MARK3: variants seen among roughly 807,000 people sequenced by gnomAD.
MARK3 encodes microtubule affinity regulating kinase 3, also known as MAP/microtubule affinity-regulating kinase 3.
Under a neutral mutation model 90.1 loss-of-function variants are expected in MARK3, and 46 were observed. The ratio of observed to expected loss-of-function variants is 0.51; its 90% CI spans 0.40 to 0.65. The LOEUF (loss-of-function observed/expected upper bound fraction) is 0.65, where lower values mean the gene tolerates loss of function less well. MARK3 is among the 30% of genes least tolerant of loss of function. The pLI is 0.00. For synonymous variants in MARK3, 321 were observed against 332.6 expected (o/e 0.97, Z 0.38); for missense variants, 818 against 947.2 (o/e 0.86, Z 1.79).
chr14:103,450,502 A>G (rs750161144), intron 4 of MARK3, among the ~76,000 whole-genome samples: 3 of 152,214 alleles, frequency 2.0e-5, no homozygotes, highest in Non-Finnish European at 2.9e-5. Context: ...AAAAATTCCT[A>G]TTGCATTAAC....
At chr14:103,389,464 G>T (rs1168127912) in intron 1 of MARK3, among the ~76,000 whole-genome samples, 3 of 134,370 alleles carry the variant, frequency 2.2e-5, no homozygotes, top group East Asian at 4.7e-4. Context: ...AGAGGTGAAG[G>T]TTGCAGTGAG....
intron 14 of MARK3, 121 bp downstream of exon 14, chr14:103,480,611 T>C: frequency 4.9e-6 from 3 of 612,928 alleles, no homozygotes; most frequent in Non-Finnish European, 8.6e-6. Context: ...TCTCTGAAGG[T>C]AAGTTAAATT....
intron 2 of MARK3, among the ~76,000 whole-genome samples, chr14:103,408,649 A>G (rs978277456): frequency 6.6e-6 from 1 of 152,312 alleles, no homozygotes; most frequent in African/African-American, 2.4e-5. Flanking sequence ...TGGGTCTGTC[A>G]TCTGTCAGCA....
intron 14 of MARK3, among the ~76,000 whole-genome samples, chr14:103,486,374 G>C (rs936281259): frequency 1.3e-5 from 2 of 150,134 alleles, no homozygotes; most frequent in African/African-American, 4.9e-5. Context: ...GGGAGATGGA[G>C]GTTGTAGTGA....
At chr14:103,469,092 C>T (rs936308688) in intron 12 of MARK3, 3 of 152,238 alleles carry the variant, frequency 2.0e-5, no homozygotes, top group Non-Finnish European at 4.4e-5. Flanking sequence ...CAAGAAGCTA[C>T]TGGCCACTTG....
At chr14:103,402,874 A>G (rs1384666452) in intron 1 of MARK3, among the ~76,000 whole-genome samples, 1 of 152,172 alleles carries the variant, frequency 6.6e-6, no homozygotes, top group African/African-American at 2.4e-5. Flanking sequence ...GCAAGCCCTG[A>G]TTGGTGAGTG....
At chr14:103,468,592 C>T (rs111938498) in intron 12 of MARK3, among the ~76,000 whole-genome samples, 23 of 152,034 alleles carry the variant, frequency 1.5e-4, no homozygotes, top group African/African-American at 5.5e-4. Context: ...TCCCAGAGCG[C>T]TGGAATTACA....
At chr14:103,441,281 G>GT (rs1360903505) in intron 3 of MARK3, among the ~76,000 whole-genome samples, 5 of 151,194 alleles carry the variant, frequency 3.3e-5, no homozygotes, top group Non-Finnish European at 7.4e-5. Context: ...TGTCTTTTTT[G>GT]TTTTTTTGTT....
intron 3 of MARK3, among the ~76,000 whole-genome samples, chr14:103,432,473 G>C (rs971422712): frequency 2.0e-5 from 3 of 152,034 alleles, no homozygotes; most frequent in Admixed American, 6.6e-5. Flanking sequence ...TTGTAAAATA[G>C]GGCAACACTA....
chr14:103,484,269 C>A (rs2093882055), intron 14 of MARK3, among the ~76,000 whole-genome samples: 1 of 152,010 alleles, frequency 6.6e-6, no homozygotes, highest in Non-Finnish European at 1.5e-5. Context: ...CCTCCATCTC[C>A]CGGGTTCATG....
In MARK3 at chr14:103,388,737, C is replaced by T. The variant is rs144712523; in HGVS notation, c.51+2657C>T. ...CTGCTTTCTGTCCCTGTAGTTTTGC[C>T]TTTTCTAGGATGCTATGTAAATGGA... On this transcript the variant is annotated intron_variant, in intron 1 of 17. Transcript: ENST00000429436. Among the ~76,000 whole-genome samples the T allele has an allele frequency of 9.1e-4, 139 of 152,228 alleles. 2 individuals carry two copies. The highest frequency in any genetic ancestry group is 3.3e-3 in the African/African-American group (138 of 41,544).
At position 103,389,342 on chromosome 14, in the gene MARK3, C is replaced by G. The variant is rs1341210284; in HGVS notation, c.51+3262C>G. On this transcript the variant is annotated intron_variant, in intron 1 of 17. Transcript: ENST00000429436. Reference sequence around the variant, plus strand: ...TTGGGCCACCACATTCCAGCCTGGGCGACAGAGCCAGACTCCATCTCAAAA... The same window carrying G: ...TTGGGCCACCACATTCCAGCCTGGGGGACAGAGCCAGACTCCATCTCAAAA... Among the ~76,000 whole-genome samples the G allele has an allele frequency of 2.0e-5, 3 of 146,890 alleles. 1 individual carries two copies. Among genetic ancestry groups the G allele is most frequent in the African/African-American group, 7.5e-5 (3 of 39,912 alleles).
chr14:103,388,918 C>T (rs971292633), intron 1 of MARK3, among the ~76,000 whole-genome samples: 1 of 152,044 alleles, frequency 6.6e-6, no homozygotes, highest in Non-Finnish European at 1.5e-5. Context: ...AATCCACTCA[C>T]CAGTGATGGA....
chr14:103,439,660 C>A (rs1044911239), intron 3 of MARK3, among the ~76,000 whole-genome samples: 1 of 152,146 alleles, frequency 6.6e-6, no homozygotes, highest in Admixed American at 6.5e-5. Context: ...CCACCCACCT[C>A]AGCCTCCCAA....
At chr14:103,453,522 T>TTG (rs1212974953) in intron 5 of MARK3, among the ~76,000 whole-genome samples, 1 of 152,160 alleles carries the variant, frequency 6.6e-6, no homozygotes, top group African/African-American at 2.4e-5. Flanking sequence ...AAACAATGAG[T>TTG]TGTAGTAAGC....
intron 2 of MARK3, among the ~76,000 whole-genome samples, chr14:103,414,555 C>G (rs978149986): frequency 6.6e-6 from 1 of 152,172 alleles, no homozygotes; most frequent in African/African-American, 2.4e-5. Context: ...CGTTCTCTTG[C>G]CCTGTGATGG....
At chr14:103,463,837 A>G (rs192288262) in intron 7 of MARK3, among the ~76,000 whole-genome samples, 3 of 152,176 alleles carry the variant, frequency 2.0e-5, no homozygotes, top group Non-Finnish European at 4.4e-5. Context: ...TACGATGAAA[A>G]CCCAAACTTC....
chr14:103,482,896 T>C (rs1344014109), intron 14 of MARK3, among the ~76,000 whole-genome samples: 4 of 152,214 alleles, frequency 2.6e-5, no homozygotes, highest in African/African-American at 4.8e-5. Context: ...GCATCAGTCA[T>C]TGAAATACTT....
At chr14:103,391,709 ATTTT>A (rs71126012) in intron 1 of MARK3, among the ~76,000 whole-genome samples, 1 of 69,684 alleles carries the variant, frequency 1.4e-5, no homozygotes, top group Non-Finnish European at 2.4e-5. Flanking sequence ...ATGCCTGGCT[ATTTT>A]TTTTTTTTTT....
Sources: allele counts gnomAD v4.1 joint callset (sites outside exome capture counted in the v4.1 genomes callset), GRCh38; gene constraint gnomAD v4.1.1; transcripts MANE v1.5; gene names NCBI Gene and HGNC (gene_info 2026-07-23, HGNC 2026-07-21).